SBF2: variants seen among roughly 807,000 people sequenced by gnomAD.
SBF2 encodes the protein myotubularin-related protein 13.
In SBF2, 112 loss-of-function variants were observed where a neutral mutation model predicts 225.2. The ratio of observed to expected loss-of-function variants is 0.50; its 90% CI spans 0.43 to 0.58. SBF2 has a LOEUF of 0.58. Ranked by LOEUF, SBF2 falls within the 20% of genes least tolerant of loss-of-function variation. SBF2 has a pLI of 0.00. For missense variants in SBF2, 1,996 were observed against 2,206.2 expected, an observed-to-expected ratio of 0.90 and a Z score of 1.91; for synonymous variants, 763 against 773.3, an observed-to-expected ratio of 0.99 and a Z score of 0.22.
At chr11:10,173,355 A>G (rs2135255473) in intron 2 of SBF2, among the ~76,000 whole-genome samples, 1 of 152,344 alleles carries the variant, frequency 6.6e-6, no homozygotes, top group South Asian at 2.1e-4. Context: ...CGGGAAGCGC[A>G]AGGGGTCAGG....
chr11:9,917,384 T>C (rs1271302814), intron 16 of SBF2, among the ~76,000 whole-genome samples: 1 of 151,682 alleles, frequency 6.6e-6, no homozygotes, highest in East Asian at 1.9e-4. Flanking sequence ...CAGGCTGAAG[T>C]GCAGTGACAC....
intron 2 of SBF2, among the ~76,000 whole-genome samples, chr11:10,161,775 A>G (rs987163518): frequency 2.0e-5 from 3 of 150,250 alleles, no homozygotes; most frequent in Non-Finnish European, 4.4e-5. Flanking sequence ...AGACCAGCCC[A>G]GGCAACATAG....
intron 16 of SBF2, among the ~76,000 whole-genome samples, chr11:9,923,884 T>G (rs1273516941): frequency 2.7e-5 from 3 of 112,798 alleles, no homozygotes; most frequent in Non-Finnish European, 6.0e-5. Flanking sequence ...AGGCAGAAAA[T>G]TAGAGACCAG....
At position 10,028,898 on chromosome 11, in the gene SBF2, A is replaced by C. The variant is rs534080175; in HGVS notation, c.514-341T>G. Among the ~76,000 whole-genome samples, 14 of 152,338 alleles carry C rather than the reference A, an allele frequency of 9.2e-5. No homozygotes were observed. In the South Asian group the frequency reaches 2.9e-3, roughly 32 times the overall value. ...TAGACCCATCTGTGACCAAACTCAC[A>C]TTTAATATTCTGCCCTTTGAGCAGA... On this transcript the variant is annotated intron_variant, in intron 5 of 39. Transcript: ENST00000256190.
chr11:9,902,442 G>T (rs1050239649), intron 16 of SBF2, among the ~76,000 whole-genome samples: 2 of 152,032 alleles, frequency 1.3e-5, no homozygotes, highest in Non-Finnish European at 2.9e-5. Flanking sequence ...ACGAACCAAG[G>T]TACACCTTCC....
At chr11:10,128,533 C>A (rs2135084359) in intron 2 of SBF2, among the ~76,000 whole-genome samples, 1 of 152,118 alleles carries the variant, frequency 6.6e-6, no homozygotes, top group Non-Finnish European at 1.5e-5. Flanking sequence ...TGTTTCAGTC[C>A]CTGCCTATTT....
At chr11:10,190,932 G>A (rs941736028) in intron 2 of SBF2, among the ~76,000 whole-genome samples, 2 of 152,148 alleles carry the variant, frequency 1.3e-5, no homozygotes, top group Non-Finnish European at 2.9e-5. Flanking sequence ...CTGACACTAA[G>A]AGTCAAAAGA....
At position 10,029,874 on chromosome 11, in the gene SBF2, G is replaced by T; in HGVS notation, c.404C>A (p.Ala135Asp). 1 of 1,600,284 alleles carries T rather than the reference G, an allele frequency of 6.2e-7. No homozygotes were observed. The highest frequency in any genetic ancestry group is 8.6e-7 in the Non-Finnish European group (1 of 1,167,490). ...SRLYYPEIFR[A>D]CLGLIYTVYV... ...CACGGTATAGATCAAACCCAGGCAA[G>T]CCTGCAAAAAGATAAATACATGTAA... is the stretch of plus-strand genomic sequence containing the variant. The change falls in exon 5 of 40, where the codon GCT (alanine) becomes GAT (aspartate). Residue 135 changes from alanine to aspartate, a missense_variant and splice_region_variant. Ala to Asp is a moderately radical substitution (Grantham distance 126). Coordinates refer to ENST00000256190, the MANE Select transcript of SBF2 (RefSeq NM_030962.4).
intron 1 of SBF2, among the ~76,000 whole-genome samples, chr11:10,262,435 C>G (rs1371141869): frequency 1.1e-4 from 17 of 152,064 alleles, no homozygotes. Context: ...TTCCATGAGC[C>G]CTTTCCTGTC....
intron 30 of SBF2, 127 bp downstream of exon 30, chr11:9,812,405 A>G (rs1378457627): frequency 1.0e-6 from 1 of 984,128 alleles, no homozygotes; most frequent in Non-Finnish European, 1.6e-6. Context: ...CTGATGGCAC[A>G]CAATGAAGGA....
chr11:10,085,801 T>C (rs1211988855), intron 2 of SBF2, among the ~76,000 whole-genome samples: 1 of 152,068 alleles, frequency 6.6e-6, no homozygotes, highest in African/African-American at 2.4e-5. Context: ...TCCCTGCTCA[T>C]ACCTGTCTGT....
intron 13 of SBF2, among the ~76,000 whole-genome samples, chr11:9,980,919 TTTTTG>T (rs1210033373): frequency 6.6e-6 from 1 of 152,244 alleles, no homozygotes; most frequent in Non-Finnish European, 1.5e-5. Flanking sequence ...AAGATGGATT[TTTTTG>T]TTTTAATATG....
Position 9,800,650 on chromosome 11 carries a change from G to A in SBF2, c.4444-4693C>T, listed in dbSNP as rs1447537940. 3.3e-5 allele frequency among the ~76,000 whole-genome samples: 5 copies of A among 152,234 alleles called. No individual in the cohort carries two copies. In the East Asian group the frequency reaches 9.7e-4, roughly 29 times the overall value. ...TCTCTATCTCCTGACCTCGTGATCT[G>A]CCTGTCTCGGCTTCCCAAAGTGCTG... On this transcript the variant is annotated intron_variant, in intron 32 of 39. Coordinates refer to ENST00000256190, the MANE Select transcript of SBF2 (RefSeq NM_030962.4).
chr11:10,184,675 C>T (rs1021728514), intron 2 of SBF2, among the ~76,000 whole-genome samples: 2 of 152,186 alleles, frequency 1.3e-5, no homozygotes, highest in African/African-American at 2.4e-5. Flanking sequence ...AATTTGATTA[C>T]TCTATGTCTC....
chr11:10,168,641 A>G (rs1366639504), intron 2 of SBF2, among the ~76,000 whole-genome samples: 1 of 152,242 alleles, frequency 6.6e-6, no homozygotes, highest in Non-Finnish European at 1.5e-5. Flanking sequence ...GGCCAGAATC[A>G]GTCTAAAAGA....
At chr11:9,954,965 A>G (rs1866066645) in intron 16 of SBF2, among the ~76,000 whole-genome samples, 1 of 152,092 alleles carries the variant, frequency 6.6e-6, no homozygotes, top group Non-Finnish European at 1.5e-5. Flanking sequence ...TAGAGACCTT[A>G]ATCTGTTAAT....
In SBF2 at chr11:10,059,598, C is replaced by T. The variant is rs550226538; in HGVS notation, c.142-16617G>A. Among the ~76,000 whole-genome samples the T allele has an allele frequency of 3.3e-5, 5 of 152,252 alleles. No individual in the cohort carries two copies. The South Asian group carries it at 1.0e-3, about 32-fold the overall frequency. ...ATACATTCTTCTCATCACCATATGG[C>T]ACATACTCTAAAATTGACCACATAA... is the stretch of plus-strand genomic sequence containing the variant. On this transcript the variant is annotated intron_variant, in intron 2 of 39. Transcript: ENST00000256190.
intron 2 of SBF2, among the ~76,000 whole-genome samples, chr11:10,133,562 A>C (rs796569004): frequency 1.7e-5 from 2 of 119,306 alleles, no homozygotes; most frequent in Admixed American, 1.8e-4. Flanking sequence ...TAAGTCCCCC[A>C]TTGCCCAGGG....
chr11:9,959,284 A>G, intron 16 of SBF2: 1 of 775,072 alleles, frequency 1.3e-6, no homozygotes, highest in East Asian at 2.4e-5. Context: ...AGCCTCCACA[A>G]TGTCCCTGCC....
Sources: gnomAD v4.1 joint callset for allele counts (sites outside exome capture counted in the v4.1 genomes callset) on GRCh38, gnomAD v4.1.1 for gene constraint, MANE v1.5 for transcripts, NCBI Gene and HGNC (gene_info 2026-07-23, HGNC 2026-07-21) for gene names.